Variants in ADRA1A observed in about 807,000 individuals in gnomAD.
The protein encoded by ADRA1A is adrenoceptor alpha 1A, also known as alpha-1A adrenergic receptor.
In ADRA1A, 31 loss-of-function variants were observed where a neutral mutation model predicts 29.6. The observed-to-expected ratio is 1.05, with a 90% confidence interval of 0.79 to 1.41. The LOEUF (loss-of-function observed/expected upper bound fraction) is 1.41, where lower values mean the gene tolerates loss of function less well. ADRA1A is among the 40% of genes most tolerant of loss of function. The pLI, the probability that ADRA1A is intolerant of heterozygous loss-of-function variation, is 0.00. For missense variants in ADRA1A, 619 were observed against 601.1 expected (o/e 1.03, Z -0.31); for synonymous variants, 311 against 254.3 (o/e 1.22, Z -2.12).
chr8:26,827,417 C>A (rs1810650980), intron 2 of ADRA1A, among the ~76,000 whole-genome samples: 1 of 152,158 alleles, frequency 6.6e-6, no homozygotes. Flanking sequence ...GCTGCTATAA[C>A]AAGATGTCCT....
Position 26,770,224 on chromosome 8 carries a change from G to T in ADRA1A, c.1326C>A (p.Ser442Arg). ...TTGGAACTTGATGGTTCTTGTCAAGGCTGGGGGTTGAGGGCCCTACACAGC... is the reference window on the plus strand; with the variant it reads ...TTGGAACTTGATGGTTCTTGTCAAGTCTGGGGGTTGAGGGCCCTACACAGC... ...VCCCVGPSTPSLDKNHQVPTI... is the reference protein window; with the variant it reads ...VCCCVGPSTPRLDKNHQVPTI... Residue 442 changes from serine (S) to arginine (R), a missense_variant, in exon 3 of 3, where the codon AGC (serine) becomes AGA (arginine). Physicochemically the swap from Ser to Arg is moderately radical, Grantham distance 110. Transcript: ENST00000380573. The T allele has an allele frequency of 1.2e-6, 2 of 1,609,512 alleles. No individual in the cohort carries two copies. Among genetic ancestry groups the T allele is most frequent in the Non-Finnish European group, 1.7e-6 (2 of 1,177,172 alleles).
intron 2 of ADRA1A, among the ~76,000 whole-genome samples, chr8:26,808,436 G>GT (rs753540066): frequency 1.3e-5 from 2 of 152,082 alleles, no homozygotes; most frequent in Non-Finnish European, 1.5e-5. Flanking sequence ...ATTTTGAACA[G>GT]TTTTTTTAAC....
chr8:26,776,527 G>C (rs924824644), intron 2 of ADRA1A, among the ~76,000 whole-genome samples: 8 of 152,272 alleles, frequency 5.3e-5, no homozygotes, highest in Non-Finnish European at 1.0e-4. Flanking sequence ...CTGAAGACGC[G>C]AGTAGTTCCC....
At chr8:26,824,562 T>C (rs1002789220) in intron 2 of ADRA1A, among the ~76,000 whole-genome samples, 1 of 152,140 alleles carries the variant, frequency 6.6e-6, no homozygotes, top group Non-Finnish European at 1.5e-5. Flanking sequence ...AACCCAGATA[T>C]TCCTGTTCAA....
At chr8:26,824,066 G>A (rs1007772410) in intron 2 of ADRA1A, among the ~76,000 whole-genome samples, 2 of 152,114 alleles carry the variant, frequency 1.3e-5, no homozygotes, top group African/African-American at 4.8e-5. Flanking sequence ...GCCACTGTCT[G>A]GATGTAGTAG....
intron 2 of ADRA1A, among the ~76,000 whole-genome samples, chr8:26,795,548 T>G (rs1585706062): frequency 6.6e-6 from 1 of 152,114 alleles, no homozygotes. Flanking sequence ...AACTAATAAA[T>G]GAAAGTGGAA....
At chr8:26,820,413 A>G (rs773986192) in intron 2 of ADRA1A, among the ~76,000 whole-genome samples, 8 of 152,192 alleles carry the variant, frequency 5.3e-5, no homozygotes, top group Non-Finnish European at 1.0e-4. Flanking sequence ...AATTATTGTC[A>G]ATTATTACCT....
chr8:26,814,530 A>G (rs562257393), intron 2 of ADRA1A, among the ~76,000 whole-genome samples: 15 of 152,376 alleles, frequency 9.8e-5, no homozygotes, highest in Non-Finnish European at 8.8e-5. Context: ...CCAAAGGCCA[A>G]GGATTACAGC....
intron 2 of ADRA1A, chr8:26,756,983 C>G (rs1490542955): frequency 1.3e-6 from 1 of 776,274 alleles, no homozygotes; most frequent in African/African-American, 1.7e-5. Context: ...ATTAGCCAGG[C>G]TGGTCACATT....
At chr8:26,852,374 G>T (rs922910545) in intron 2 of ADRA1A, among the ~76,000 whole-genome samples, 5 of 151,886 alleles carry the variant, frequency 3.3e-5, no homozygotes, top group African/African-American at 1.2e-4. Flanking sequence ...ATAAAAGAGA[G>T]AAATCTCTAG....
intron 2 of ADRA1A, among the ~76,000 whole-genome samples, chr8:26,852,697 T>C (rs1812727723): frequency 2.0e-5 from 3 of 152,098 alleles, no homozygotes; most frequent in African/African-American, 7.2e-5. Flanking sequence ...TAAAAGGAGC[T>C]GGGCCCGAAT....
intron 2 of ADRA1A, among the ~76,000 whole-genome samples, chr8:26,847,887 G>A (rs1191838231): frequency 6.6e-6 from 1 of 152,230 alleles, no homozygotes; most frequent in African/African-American, 2.4e-5. Context: ...TGTTCAGGAC[G>A]CAGGGTTCCC....
intron 2 of ADRA1A, among the ~76,000 whole-genome samples, chr8:26,791,140 A>T (rs909344635): frequency 6.6e-6 from 1 of 152,172 alleles, no homozygotes; most frequent in Non-Finnish European, 1.5e-5. Context: ...ACATTTTGCT[A>T]TTTTATTTTT....
At chr8:26,859,795 A>T (rs1353930039) in intron 2 of ADRA1A, among the ~76,000 whole-genome samples, 17 of 149,450 alleles carry the variant, frequency 1.1e-4, no homozygotes, top group Middle Eastern at 3.5e-3. Context: ...TTTAGACAGA[A>T]TCTCGCTCTG....
chr8:26,858,796 A>T (rs900194089), intron 2 of ADRA1A, among the ~76,000 whole-genome samples: 2 of 152,188 alleles, frequency 1.3e-5, no homozygotes, highest in African/African-American at 2.4e-5. Flanking sequence ...ACAACTGCAC[A>T]TGGCACCCCC....
In ADRA1A at chr8:26,864,955, C is replaced by A; in HGVS notation, c.15G>T (p.Ser5=). 1 of 1,606,262 alleles carries A rather than the reference C, an allele frequency of 6.2e-7. No homozygotes were observed. Among genetic ancestry groups the A allele is most frequent in the South Asian group, 1.1e-5 (1 of 90,398 alleles). The change falls in exon 2 of 3, where the codon TCG becomes TCT. Residue 5 remains serine (S), a synonymous_variant. Coordinates refer to ENST00000380573, the MANE Select transcript of ADRA1A (RefSeq NM_000680.4). This position sits in a 1 kb window ranked among gnomAD's most constrained non-coding sequence, Gnocchi z 8.1. ...AGTTGGAGCTGTCGGAAGCATTTCCCGAGAGAAACACCATGGTCCCAGCCG... is the reference window on the plus strand; with the variant it reads ...AGTTGGAGCTGTCGGAAGCATTTCCAGAGAGAAACACCATGGTCCCAGCCG... MVFL[S]GNASDSSNCT... is the part of the protein sequence containing the mutation.
At chr8:26,758,769 C>G (rs2130191856) in intron 2 of ADRA1A, among the ~76,000 whole-genome samples, 1 of 152,320 alleles carries the variant, frequency 6.6e-6, no homozygotes, top group Middle Eastern at 3.4e-3. Context: ...GAGGTGAGCA[C>G]AGGAGAACAC....
At chr8:26,843,757 A>T (rs1812004443) in intron 2 of ADRA1A, among the ~76,000 whole-genome samples, 1 of 152,210 alleles carries the variant, frequency 6.6e-6, no homozygotes, top group Non-Finnish European at 1.5e-5. Context: ...ATCTTAAGGG[A>T]TGATCCAGAA....
At chr8:26,763,720 G>A (rs757649391), downstream of ADRA1A, among the ~76,000 whole-genome samples, 4 of 152,170 alleles carry the variant, frequency 2.6e-5, no homozygotes, top group African/African-American at 7.2e-5. This position sits in a 1 kb window ranked among gnomAD's most constrained non-coding sequence, Gnocchi z 4.5. Context: ...AGATCATGAC[G>A]GCAAATTACG....
Sources: gnomAD v4.1 joint callset for allele counts (sites outside exome capture counted in the v4.1 genomes callset) on GRCh38, gnomAD v4.1.1 for gene constraint, Gnocchi (gnomAD v3.1) non-coding constraint, MANE v1.5 for transcripts, NCBI Gene and HGNC (gene_info 2026-07-23, HGNC 2026-07-21) for gene names.